ARHGAP15: variants seen among roughly 807,000 people sequenced by gnomAD.
ARHGAP15 encodes rho GTPase-activating protein 15.
In ARHGAP15, 51 loss-of-function variants were observed where a neutral mutation model predicts 63.7. That is an observed-to-expected ratio of 0.80 (90% confidence interval 0.64 to 1.01). ARHGAP15 has a LOEUF of 1.01. Among genes scored for constraint, ARHGAP15 ranks in the 50% least tolerant of loss-of-function variants. ARHGAP15 has a pLI of 0.00. For missense variants in ARHGAP15, 560 were observed against 564.6 expected, an observed-to-expected ratio of 0.99 and a Z score of 0.08; for synonymous variants, 191 against 193.8, an observed-to-expected ratio of 0.99 and a Z score of 0.12.
chr2:143,169,503 A>G (rs1690684377), intron 2 of ARHGAP15, among the ~76,000 whole-genome samples: 2 of 152,060 alleles, frequency 1.3e-5, no homozygotes, highest in African/African-American at 4.8e-5. Flanking sequence ...GTTGCCTCCT[A>G]GGTAGGAAGA....
chr2:143,765,769 T>C (rs948262063), intron 13 of ARHGAP15, among the ~76,000 whole-genome samples: 1 of 152,120 alleles, frequency 6.6e-6, no homozygotes, highest in African/African-American at 2.4e-5. Flanking sequence ...CTGACAGTGA[T>C]GCTTCCACAG....
At chr2:143,468,705 G>A (rs894919584) in intron 8 of ARHGAP15, among the ~76,000 whole-genome samples, 5 of 151,080 alleles carry the variant, frequency 3.3e-5, no homozygotes, top group African/African-American at 1.2e-4. Context: ...GTTAAGAGGT[G>A]TGCATACTTC....
At chr2:143,216,797 T>G (rs1291973434) in intron 4 of ARHGAP15, among the ~76,000 whole-genome samples, 1 of 152,206 alleles carries the variant, frequency 6.6e-6, no homozygotes, top group African/African-American at 2.4e-5. Flanking sequence ...TACAATACCT[T>G]GTGAGAATAA....
intron 6 of ARHGAP15, among the ~76,000 whole-genome samples, chr2:143,433,588 T>C (rs368878465): frequency 1.3e-5 from 2 of 152,116 alleles, no homozygotes; most frequent in African/African-American, 2.4e-5. Context: ...TTGCATTGCA[T>C]AGCATGCACC....
intron 2 of ARHGAP15, among the ~76,000 whole-genome samples, chr2:143,198,128 C>T (rs996327212): frequency 2.6e-5 from 4 of 151,960 alleles, no homozygotes; most frequent in African/African-American, 7.3e-5. Flanking sequence ...CACTTCGATA[C>T]TTATAAAAAT....
rs575532947 is a variant in ARHGAP15 at position 143,383,188 on chromosome 2, G to A, written c.475-52413G>A. Among the ~76,000 whole-genome samples the A allele has an allele frequency of 2.7e-4, 41 of 152,218 alleles. 1 individual carries two copies. In the South Asian group the frequency reaches 4.1e-3, roughly 15 times the overall value. On this transcript the variant is annotated intron_variant, in intron 6 of 13. Transcript: ENST00000295095. ...CTAGGGATAGGAAAAAAACACATTA[G>A]AAATGACATTTCAGAACTATTGCAC... is the stretch of plus-strand genomic sequence containing the variant.
chr2:143,500,342 T>A lies in ARHGAP15; in HGVS notation c.826+12847T>A, dbSNP rs563426196. Among the ~76,000 whole-genome samples the A allele has an allele frequency of 5.3e-5, 8 of 151,940 alleles. No homozygotes were observed. The East Asian group carries it at 1.5e-3, about 29-fold the overall frequency. On this transcript the variant is annotated intron_variant, in intron 9 of 13. Coordinates refer to ENST00000295095, the MANE Select transcript of ARHGAP15 (RefSeq NM_018460.4). ...CAGTAACACATTAAGGCAGGATTTGTTGACAAAATATAAGTCCATATAGTA... is the reference window on the plus strand; with the variant it reads ...CAGTAACACATTAAGGCAGGATTTGATGACAAAATATAAGTCCATATAGTA...
intron 6 of ARHGAP15, among the ~76,000 whole-genome samples, chr2:143,261,523 A>C (rs1291107202): frequency 6.8e-6 from 1 of 147,882 alleles, no homozygotes; most frequent in African/African-American, 2.5e-5. Flanking sequence ...TTTTTTTAAT[A>C]TTTTTAGTAG....
At chr2:143,295,569 C>T (rs1682598056) in intron 6 of ARHGAP15, 1 of 151,978 alleles carries the variant, frequency 6.6e-6, no homozygotes, top group Non-Finnish European at 1.5e-5. Context: ...TCTTCTTTAG[C>T]TGGTCCTTAA....
At chr2:143,576,714 A>G (rs73961811) in intron 11 of ARHGAP15, among the ~76,000 whole-genome samples, 4,945 of 152,194 alleles carry the variant, frequency 0.032, 109 homozygotes, top group South Asian at 0.058. Flanking sequence ...AGAAAAAAGA[A>G]CTCTGGGAGT....
At chr2:143,391,410 C>G (rs1259376303) in intron 6 of ARHGAP15, among the ~76,000 whole-genome samples, 1 of 152,120 alleles carries the variant, frequency 6.6e-6, no homozygotes, top group Non-Finnish European at 1.5e-5. Flanking sequence ...GATGCAACCA[C>G]AGAGAAACAT....
intron 6 of ARHGAP15, among the ~76,000 whole-genome samples, chr2:143,348,682 C>T (rs1328223084): frequency 1.3e-5 from 2 of 152,146 alleles, no homozygotes; most frequent in Non-Finnish European, 2.9e-5. Context: ...TACACGTTTA[C>T]ATGTGCGACT....
intron 3 of ARHGAP15, among the ~76,000 whole-genome samples, chr2:143,211,170 C>A (rs1692543806): frequency 6.6e-6 from 1 of 151,708 alleles, no homozygotes; most frequent in Admixed American, 6.6e-5. Flanking sequence ...GCATGAATAG[C>A]AGAGACAGTA....
At chr2:143,285,552 A>G (rs1422710024) in intron 6 of ARHGAP15, among the ~76,000 whole-genome samples, 5 of 152,216 alleles carry the variant, frequency 3.3e-5, no homozygotes, top group Admixed American at 3.3e-4. Flanking sequence ...CTACTATAGC[A>G]TAAAGGCTTT....
At chr2:143,428,481 A>C (rs1255038622) in intron 6 of ARHGAP15, among the ~76,000 whole-genome samples, 4 of 151,878 alleles carry the variant, frequency 2.6e-5, no homozygotes, top group African/African-American at 9.7e-5. Context: ...TTTGGCTGCA[A>C]TATATAGTAT....
At chr2:143,673,859 AAAG>A (rs906008910) in intron 12 of ARHGAP15, among the ~76,000 whole-genome samples, 1 of 148,132 alleles carries the variant, frequency 6.8e-6, no homozygotes, top group African/African-American at 2.5e-5. Flanking sequence ...AGTCCTTCAG[AAAG>A]AAGATACACA....
chr2:143,405,477 T>C (rs1258360511), intron 6 of ARHGAP15, among the ~76,000 whole-genome samples: 1 of 151,844 alleles, frequency 6.6e-6, no homozygotes, highest in Non-Finnish European at 1.5e-5. Context: ...AAATTTGTGC[T>C]CCCCTTTTCA....
At chr2:143,177,379 G>A (rs891123525) in intron 2 of ARHGAP15, among the ~76,000 whole-genome samples, 3 of 152,276 alleles carry the variant, frequency 2.0e-5, no homozygotes, top group East Asian at 3.9e-4. Context: ...GACAGTACTC[G>A]TCAGAAACAT....
chr2:143,478,346 A>G (rs190120669), intron 8 of ARHGAP15, among the ~76,000 whole-genome samples: 17 of 152,268 alleles, frequency 1.1e-4, no homozygotes. Context: ...TACACACCAC[A>G]TGGATAGTTT....
Sources: gnomAD v4.1 joint callset for allele counts (sites outside exome capture counted in the v4.1 genomes callset) on GRCh38, gnomAD v4.1.1 for gene constraint, MANE v1.5 for transcripts, NCBI Gene and HGNC (gene_info 2026-07-23, HGNC 2026-07-21) for gene names.